PCDHGB7: variants seen among roughly 807,000 people sequenced by gnomAD.
PCDHGB7 encodes the protein protocadherin gamma subfamily B, 7.
PCDHGB7 carries 37 observed loss-of-function variants against 61.4 expected under a neutral mutation model. The observed-to-expected ratio is 0.60, with a 90% CI of 0.46 to 0.79. The LOEUF (loss-of-function observed/expected upper bound fraction) is 0.79. Among genes scored for constraint, PCDHGB7 ranks in the 30% least tolerant of loss-of-function variants. The pLI is 0.00. For missense variants in PCDHGB7, 1,166 were observed against 1,202.5 expected, an observed-to-expected ratio of 0.97 and a Z score of 0.45; for synonymous variants, 464 against 503.5, an observed-to-expected ratio of 0.92 and a Z score of 1.05.
Position 141,485,392 on chromosome 5 carries a change from A to G in PCDHGB7, c.2416-9415A>G. ...AGGTCGCTGGAGAGGTGAACCAAAG[A>G]CACTTCCGTGTGGATTTGGACAGCG... On this transcript the variant is annotated intron_variant, in intron 1 of 3. Coordinates refer to ENST00000398594, the MANE Select transcript of PCDHGB7 (RefSeq NM_018927.4). This position sits in a 1 kb window ranked among gnomAD's most constrained non-coding sequence, Gnocchi z 5.7. 1 of 1,613,918 alleles carries G rather than the reference A, an allele frequency of 6.2e-7. No homozygotes were observed. The highest frequency in any genetic ancestry group is 8.5e-7 in the Non-Finnish European group (1 of 1,179,938).
In PCDHGB7 at chr5:141,419,311, C is replaced by T. The variant is rs745852942; in HGVS notation, c.1452C>T (p.Asn484=). The T allele has an allele frequency of 2.5e-6, 4 of 1,613,876 alleles. No individual in the cohort carries two copies. Among genetic ancestry groups the T allele is most frequent in the East Asian group, 4.5e-5 (2 of 44,904 alleles). ...CCTCTGACCCAGACTTCGGGCTCAA[C>T]GGCCGTGTCTCCTACTCTCTCATTG... ...VSASDPDFGL[N]GRVSYSLIAS... The change falls in exon 1 of 4, where the codon AAC becomes AAT. Residue 484 remains asparagine, a synonymous_variant. Transcript: ENST00000398594.
At chr5:141,507,798 GCCCT>G (rs2099863561) in intron 3 of PCDHGB7, among the ~76,000 whole-genome samples, 1 of 152,188 alleles carries the variant, frequency 6.6e-6, no homozygotes, top group Admixed American at 6.5e-5. Context: ...CTAAGCCTGC[GCCCT>G]GGGGAACGGA....
At chr5:141,478,723 A>C in intron 1 of PCDHGB7, 16 of 1,543,220 alleles carry the variant, frequency 1.0e-5, no homozygotes, top group Non-Finnish European at 1.3e-5. Flanking sequence ...GTGGCCTGCC[A>C]GAGTGTGGTT....
chr5:141,491,438 G>T lies in PCDHGB7; in HGVS notation c.2416-3369G>T, dbSNP rs376927300. 3.7e-6 allele frequency: 6 copies of T among 1,613,948 alleles called. No homozygotes were observed. The African/African-American group carries it at 4.0e-5, about 11-fold the overall frequency. ...GGGGGTGGAGGGCAGTGCTGCAGGCGCCAGGACTCACCCTCCCCGGACTTC... is the reference window on the plus strand; with the variant it reads ...GGGGGTGGAGGGCAGTGCTGCAGGCTCCAGGACTCACCCTCCCCGGACTTC... On this transcript the variant is annotated intron_variant, in intron 1 of 3. Transcript: ENST00000398594. The surrounding 1 kb of genome is among the most constrained non-coding windows in gnomAD (Gnocchi z 6.9).
chr5:141,423,755 G>GC (rs542747697), intron 1 of PCDHGB7: 5,773 of 512,484 alleles, frequency 0.011, 63 homozygotes, highest in Non-Finnish European at 0.014. Context: ...CTGTTTGGGG[G>GC]GGGGGTGGGG....
chr5:141,483,904 T>A (rs11750647), intron 1 of PCDHGB7, among the ~76,000 whole-genome samples: 24,531 of 151,676 alleles, frequency 0.16, 2,105 homozygotes, highest in African/African-American at 0.21. Context: ...CTCTGGTGTG[T>A]TTCCCACTCA....
intron 1 of PCDHGB7, chr5:141,440,652 C>T (rs755275974): frequency 6.6e-6 from 1 of 152,160 alleles, no homozygotes; most frequent in Non-Finnish European, 1.5e-5. Flanking sequence ...AAAATTATCA[C>T]CTTAGCAGCA....
At chr5:141,466,556 T>C (rs1398776914) in intron 1 of PCDHGB7, among the ~76,000 whole-genome samples, 1 of 152,222 alleles carries the variant, frequency 6.6e-6, no homozygotes, top group Non-Finnish European at 1.5e-5. Context: ...TGCTGTGGGC[T>C]TCATCTTCAA....
intron 1 of PCDHGB7, chr5:141,441,743 C>G (rs1298220876): frequency 2.7e-6 from 1 of 367,284 alleles, no homozygotes; most frequent in Non-Finnish European, 5.4e-6. Flanking sequence ...AGCTCGCGCT[C>G]GGCGTCAACG....
rs770093591 is a variant in PCDHGB7 at position 141,486,147 on chromosome 5, G to T, written c.2416-8660G>T. ...GAATTTGATGTGCGGGCTCGCGATG[G>T]GGGTTCTCCAGCCATGGAGCAACAT... On this transcript the variant is annotated intron_variant, in intron 1 of 3. Transcript: ENST00000398594. This position sits in a 1 kb window ranked among gnomAD's most constrained non-coding sequence, Gnocchi z 5.0. The T allele has an allele frequency of 6.2e-7, 1 of 1,614,168 alleles. No individual in the cohort carries two copies. The highest frequency in any genetic ancestry group is 1.7e-5 in the Admixed American group (1 of 60,028).
intron 2 of PCDHGB7, among the ~76,000 whole-genome samples, chr5:141,504,999 T>C (rs1278633184): frequency 6.6e-6 from 1 of 152,000 alleles, no homozygotes; most frequent in African/African-American, 2.4e-5. Context: ...CCGTCTGTAC[T>C]AAAAATACAA....
In PCDHGB7 at chr5:141,489,223, C is replaced by T. The variant is rs771455540; in HGVS notation, c.2416-5584C>T. The T allele has an allele frequency of 6.6e-7, 1 of 1,515,444 alleles. No homozygotes were observed. The highest frequency in any genetic ancestry group is 1.3e-5 in the South Asian group (1 of 75,776). 93.9% of individuals were successfully genotyped at this position (1,515,444 alleles called of 1,614,324 possible). A position where few individuals can be genotyped will look rare whatever the true frequency, so the allele number is the denominator to read the frequency against. The stretch of plus-strand genomic sequence containing the variant: ...CAGGACAGCACAGACTTACTCTCCA[C>T]AAAGGGACTTCTGGGTCATGGGGCC... On this transcript the variant is annotated intron_variant, in intron 1 of 3. Coordinates refer to ENST00000398594, the MANE Select transcript of PCDHGB7 (RefSeq NM_018927.4). The surrounding 1 kb of genome is among the most constrained non-coding windows in gnomAD (Gnocchi z 4.5).
rs148995268 is a variant in PCDHGB7, at chr5:141,486,253, C to T, written c.2416-8554C>T. On this transcript the variant is annotated intron_variant, in intron 1 of 3. Coordinates refer to ENST00000398594, the MANE Select transcript of PCDHGB7 (RefSeq NM_018927.4). The surrounding 1 kb of genome is among the most constrained non-coding windows in gnomAD (Gnocchi z 5.0). The stretch of plus-strand genomic sequence containing the variant: ...TGACCTCAGAGCTTGGAACCCTCCC[C>T]GAGAGTGCAGAACCTGGCACTGTGG... 8 of 1,614,020 alleles carry T rather than the reference C, an allele frequency of 5.0e-6. No individual in the cohort carries two copies. The African/African-American group carries it at 8.0e-5, about 16-fold the overall frequency.
rs1445356223 is a variant in PCDHGB7, at chr5:141,490,414, G to T, written c.2416-4393G>T. On this transcript the variant is annotated intron_variant, in intron 1 of 3. Transcript: ENST00000398594. This position sits in a 1 kb window ranked among gnomAD's most constrained non-coding sequence, Gnocchi z 5.4. ...TGAAGTGAGCCTTGATATCTCTCCGGACCTGCCATTTCAGATTAAGCCTTC... is the reference window on the plus strand; with the variant it reads ...TGAAGTGAGCCTTGATATCTCTCCGTACCTGCCATTTCAGATTAAGCCTTC... The T allele has an allele frequency of 1.2e-6, 2 of 1,614,138 alleles. No homozygotes were observed. The highest frequency in any genetic ancestry group is 1.7e-6 in the Non-Finnish European group (2 of 1,180,024).
intron 1 of PCDHGB7, chr5:141,427,797 G>T: frequency 6.6e-7 from 1 of 1,505,306 alleles, no homozygotes; most frequent in Non-Finnish European, 9.1e-7. Flanking sequence ...CTACGTGTCC[G>T]TGAGCGCACA....
rs1415966611 is a variant in PCDHGB7, at chr5:141,420,210, A to T, written c.2351A>T (p.Asp784Val). ...GCCACACAAGATAACCTCAACAAAG[A>T]TAGCATGCTACTGGCTAGCATTTTA... Reference protein sequence around the residue: ...CPATQDNLNKDSMLLASILTP... With the variant: ...CPATQDNLNKVSMLLASILTP... Residue 784 changes from aspartate to valine, a missense_variant, in exon 1 of 4, where the codon GAT becomes GTT. Transcript: ENST00000398594. 1 of 1,612,612 alleles carries T rather than the reference A, an allele frequency of 6.2e-7. No individual in the cohort carries two copies. Among genetic ancestry groups the T allele is most frequent in the East Asian group, 2.2e-5 (1 of 44,874 alleles).
At chr5:141,471,252 T>C (rs1003162914) in intron 1 of PCDHGB7, 1 of 151,872 alleles carries the variant, frequency 6.6e-6, no homozygotes, top group Non-Finnish European at 1.5e-5. Flanking sequence ...GGTTTCACCA[T>C]GTTGGCAAGG....
rs2096276711 is a variant in PCDHGB7 at position 141,418,639 on chromosome 5, C to T, written c.780C>T (p.Ser260=). ...SLREDVPPGT[S]ILRVKATDQD... ...GGGAAGACGTGCCTCCAGGCACCTC[C>T]ATCCTGAGAGTGAAGGCCACTGACC... Residue 260 remains serine, a synonymous_variant, in exon 1 of 4, where the codon TCC becomes TCT. Transcript: ENST00000398594. The T allele has an allele frequency of 6.2e-7, 1 of 1,614,014 alleles. No homozygotes were observed. Among genetic ancestry groups the T allele is most frequent in the Non-Finnish European group, 8.5e-7 (1 of 1,179,888 alleles).
In PCDHGB7 at chr5:141,485,935, C is replaced by T. The variant is rs2099621642; in HGVS notation, c.2416-8872C>T. The T allele has an allele frequency of 6.2e-7, 1 of 1,614,026 alleles. No homozygotes were observed. Among genetic ancestry groups the T allele is most frequent in the Non-Finnish European group, 8.5e-7 (1 of 1,180,038 alleles). On this transcript the variant is annotated intron_variant, in intron 1 of 3. Coordinates refer to ENST00000398594, the MANE Select transcript of PCDHGB7 (RefSeq NM_018927.4). The surrounding 1 kb of genome is among the most constrained non-coding windows in gnomAD (Gnocchi z 5.7). Reference sequence around the variant, plus strand: ...GCTACAGGATTAGTGTGTTGGAGAGCGCACCAGCGGGCATGGTGCTCATCC... The same window carrying T: ...GCTACAGGATTAGTGTGTTGGAGAGTGCACCAGCGGGCATGGTGCTCATCC...
Sources: gnomAD v4.1 joint callset for allele counts (sites outside exome capture counted in the v4.1 genomes callset) on GRCh38, gnomAD v4.1.1 for gene constraint, Gnocchi (gnomAD v3.1) non-coding constraint, MANE v1.5 for transcripts, NCBI Gene and HGNC (gene_info 2026-07-23, HGNC 2026-07-21) for gene names.